LDHC: variants seen among roughly 807,000 people sequenced by gnomAD.
LDHC encodes the protein L-lactate dehydrogenase C chain.
LDHC carries 20 observed loss-of-function variants against 30.2 expected under a neutral mutation model. That is an observed-to-expected ratio of 0.66 (90% CI 0.47 to 0.96). The LOEUF is 0.96. LDHC is among the 40% of genes least tolerant of loss of function. The pLI is 0.00. For missense variants in LDHC, 362 were observed against 394.9 expected, an observed-to-expected ratio of 0.92 and a Z score of 0.71; for synonymous variants, 139 against 132.7, an observed-to-expected ratio of 1.05 and a Z score of -0.32.
chr11:18,415,054 C>G, intron 2 of LDHC, 130 bp from the exon 3 acceptor site: 1 of 534,058 alleles, frequency 1.9e-6, no homozygotes, highest in Middle Eastern at 4.8e-4. Context: ...CATTGAAAAA[C>G]TATTTTTATA....
rs1188927477 is a variant in LDHC, at chr11:18,412,959, G to C, written c.126+116G>C. 6.5e-6 allele frequency: 5 copies of C among 767,938 alleles called. No homozygotes were observed. In the Middle Eastern group the frequency reaches 8.5e-4, roughly 130 times the overall value. The allele number at this position is 767,938 out of a possible 1,614,324, so 47.6% of individuals were successfully genotyped here. ...CCTTGAAAGCAATTATGTATCCTTT[G>C]ACCTTTCCTCCCTCCCTCCCTCCCT... On this transcript the variant is annotated intron_variant, in intron 2 of 7. Coordinates refer to ENST00000541669, the MANE Select transcript of LDHC (RefSeq NM_017448.5).
At position 18,412,837 on chromosome 11, in the gene LDHC, A is replaced by G; in HGVS notation, c.120A>G (p.Leu40=). 6.2e-7 allele frequency: 1 copy of G among 1,612,934 alleles called. No homozygotes were observed. Among genetic ancestry groups the G allele is most frequent in the Non-Finnish European group, 8.5e-7 (1 of 1,179,498 alleles). The change falls in exon 2 of 8, where the codon TTA becomes TTG. Residue 40 remains leucine, a synonymous_variant. Transcript: ENST00000541669. ...GCATGGCTTGTGCTATTAGTATCTT[A>G]CTGAAGGTGAGTGAGAAGCCCATCC... ...AVGMACAISI[L]LKDLADELAL... is the part of the protein sequence containing the mutation.
At chr11:18,450,015 G>A (rs2133850402) in intron 7 of LDHC, 1 of 152,034 alleles carries the variant, frequency 6.6e-6, no homozygotes, top group South Asian at 2.1e-4. Flanking sequence ...GTAGGAGGCA[G>A]GGAAGTGTGA....
chr11:18,412,950 G>A, intron 2 of LDHC, 107 bp downstream of exon 2: 1 of 964,082 alleles, frequency 1.0e-6, no homozygotes, highest in Non-Finnish European at 1.5e-6. Flanking sequence ...AAGCAATTAT[G>A]TATCCTTTGA....
At position 18,415,243 on chromosome 11, in the gene LDHC, G is replaced by C. The variant is rs370079739; in HGVS notation, c.186G>C (p.Met62Ile). The change falls in exon 3 of 8, where the codon ATG becomes ATC. Residue 62 changes from methionine to isoleucine, a missense_variant. By Grantham distance (10) the Met-to-Ile change is conservative. Transcript: ENST00000541669. ...CATTGGACAAACTGAAGGGAGAAAT[G>C]ATGGATCTTCAGCATGGCAGTCTTT... ...DVALDKLKGE[M>I]MDLQHGSLFF... 27 of 1,610,956 alleles carry C rather than the reference G, an allele frequency of 1.7e-5. 1 individual carries two copies. The highest frequency in any genetic ancestry group is 2.3e-5 in the Non-Finnish European group (27 of 1,177,784).
chr11:18,418,796 T>C (rs1226950347), intron 3 of LDHC, among the ~76,000 whole-genome samples: 1 of 152,142 alleles, frequency 6.6e-6, no homozygotes, highest in Non-Finnish European at 1.5e-5. Context: ...AATACCTGGA[T>C]TAATCTTTTG....
At chr11:18,424,028 T>G (rs550566066) in intron 3 of LDHC, among the ~76,000 whole-genome samples, 214 of 151,686 alleles carry the variant, frequency 1.4e-3, no homozygotes, top group African/African-American at 4.8e-3. Flanking sequence ...TAAGTGTTTG[T>G]GAGGATGTGG....
chr11:18,445,363 A>T (rs1848538365), intron 6 of LDHC, among the ~76,000 whole-genome samples: 2 of 151,972 alleles, frequency 1.3e-5, no homozygotes, highest in Admixed American at 1.3e-4. Context: ...TAAGTTTTGT[A>T]TTTTTAGTAG....
chr11:18,418,534 A>G (rs1413270047), intron 3 of LDHC, among the ~76,000 whole-genome samples: 1 of 151,608 alleles, frequency 6.6e-6, no homozygotes, highest in Non-Finnish European at 1.5e-5. Context: ...GGTTCAAGAG[A>G]TTCTCCTGCC....
intron 7 of LDHC, among the ~76,000 whole-genome samples, chr11:18,447,861 C>T (rs1191983116): frequency 3.3e-5 from 5 of 151,912 alleles, no homozygotes; most frequent in Admixed American, 3.3e-4. Flanking sequence ...ACCAGCTGGT[C>T]AACATGGTGA....
At position 18,451,136 on chromosome 11, in the gene LDHC, C is replaced by T. The variant is rs1848649548; in HGVS notation, c.*9C>T. On this transcript the variant is annotated 3_prime_UTR_variant, in exon 8 of 8. Transcript: ENST00000541669. ...AGGATCTAATATTTTAAATTAAAGC[C>T]TTCTAATGTTCCACTGTTTGGAGAA... 10 of 1,464,148 alleles carry T rather than the reference C, an allele frequency of 6.8e-6. No individual in the cohort carries two copies. Among genetic ancestry groups the T allele is most frequent in the South Asian group, 1.4e-5 (1 of 69,054 alleles). The allele number at this position is 1,464,148 out of a possible 1,614,324, so 90.7% of individuals were successfully genotyped here. A position where few individuals can be genotyped will look rare whatever the true frequency, so the allele number is the denominator to read the frequency against.
intron 5 of LDHC, among the ~76,000 whole-genome samples, chr11:18,437,455 A>G (rs1258310461): frequency 1.3e-5 from 2 of 152,322 alleles, no homozygotes; most frequent in Non-Finnish European, 2.9e-5. Context: ...GTTGCTGTAA[A>G]GAAATACCTG....
chr11:18,413,797 G>T (rs966008584), intron 2 of LDHC, among the ~76,000 whole-genome samples: 1 of 152,038 alleles, frequency 6.6e-6, no homozygotes. Flanking sequence ...CTTACTGTTC[G>T]CTTTTGGAAT....
intron 2 of LDHC, 143 bp from the exon 3 acceptor site, chr11:18,415,041 G>C: frequency 1.9e-6 from 1 of 515,130 alleles, no homozygotes; most frequent in Non-Finnish European, 3.4e-6. Flanking sequence ...GGTCACCCAG[G>C]CTCATTGAAA....
intron 2 of LDHC, among the ~76,000 whole-genome samples, chr11:18,414,354 C>G (rs999875511): frequency 5.3e-5 from 8 of 152,118 alleles, no homozygotes; most frequent in African/African-American, 1.2e-4. Flanking sequence ...AATTGTACTG[C>G]ACTGAAACAT....
intron 3 of LDHC, among the ~76,000 whole-genome samples, chr11:18,416,350 GCAT>G (rs1312352056): frequency 1.3e-5 from 2 of 152,180 alleles, no homozygotes; most frequent in African/African-American, 4.8e-5. Flanking sequence ...ATTGGTGTTA[GCAT>G]CATCTGTTGA....
chr11:18,445,946 C>T (rs985699029), intron 6 of LDHC, among the ~76,000 whole-genome samples: 14 of 151,946 alleles, frequency 9.2e-5, no homozygotes, highest in East Asian at 5.8e-4. Context: ...AACTGCCCTC[C>T]GGCCTGGGCA....
intron 4 of LDHC, 113 bp downstream of exon 4, chr11:18,430,023 A>G: frequency 1.6e-6 from 1 of 643,638 alleles, no homozygotes; most frequent in Non-Finnish European, 2.7e-6. Context: ...GCACTCGTTT[A>G]AAGTATATAA....
intron 1 of LDHC, 125 bp downstream of exon 1, chr11:18,412,533 C>G (rs1185093669): frequency 1.8e-6 from 1 of 552,248 alleles, no homozygotes; most frequent in African/African-American, 1.9e-5. Context: ...GCTGGTGCCC[C>G]AGCCCTCCCA....
Sources: gnomAD v4.1 joint callset for allele counts (sites outside exome capture counted in the v4.1 genomes callset) on GRCh38, gnomAD v4.1.1 for gene constraint, MANE v1.5 for transcripts, NCBI Gene and HGNC (gene_info 2026-07-23, HGNC 2026-07-21) for gene names.